Variants in ENPP2 observed in about 807,000 individuals in gnomAD.
The protein encoded by ENPP2 is autotaxin.
Under a neutral mutation model 120.2 loss-of-function variants are expected in ENPP2, and 51 were observed. The observed-to-expected ratio is 0.42, with a 90% confidence interval of 0.34 to 0.54. ENPP2 has a LOEUF of 0.54. ENPP2 is among the 20% of genes least tolerant of loss of function. ENPP2 has a pLI of 0.04. For synonymous variants in ENPP2, 365 were observed against 366.4 expected, an observed-to-expected ratio of 1.00 and a Z score of 0.04; for missense variants, 920 against 1,066.5, an observed-to-expected ratio of 0.86 and a Z score of 1.91.
intron 1 of ENPP2, among the ~76,000 whole-genome samples, chr8:119,662,132 G>A (rs1817937982): frequency 6.6e-6 from 1 of 152,028 alleles, no homozygotes; most frequent in Non-Finnish European, 1.5e-5. Context: ...GGTGACTAGG[G>A]CATAATAATG....
intron 1 of ENPP2, among the ~76,000 whole-genome samples, chr8:119,650,770 C>A (rs1358139752): frequency 6.6e-6 from 1 of 152,158 alleles, no homozygotes; most frequent in Non-Finnish European, 1.5e-5. Flanking sequence ...TTTGTCAGAG[C>A]AACTTGGCCC....
intron 1 of ENPP2, among the ~76,000 whole-genome samples, chr8:119,672,822 T>C (rs974815964): frequency 6.6e-6 from 1 of 152,242 alleles, no homozygotes; most frequent in Non-Finnish European, 1.5e-5. Flanking sequence ...CATATTGTTT[T>C]AAAAATCCCC....
intron 8 of ENPP2, 43 bp downstream of exon 8, chr8:119,616,222 T>G (rs1184572124): frequency 6.5e-7 from 1 of 1,548,850 alleles, no homozygotes; most frequent in Non-Finnish European, 8.8e-7. Context: ...TCTCAATACA[T>G]GAACACACAA....
intron 18 of ENPP2, chr8:119,580,798 A>C (rs529995553): frequency 6.6e-6 from 1 of 152,480 alleles, no homozygotes; most frequent in African/African-American, 2.4e-5. Context: ...AGCAGTAAAA[A>C]TAAGTGAGCT....
intron 1 of ENPP2, among the ~76,000 whole-genome samples, chr8:119,656,388 A>G (rs1483138479): frequency 6.6e-6 from 1 of 152,198 alleles, no homozygotes; most frequent in African/African-American, 2.4e-5. Context: ...ATCTCTCTGT[A>G]TTCGTTCCTC....
At chr8:119,623,774 TC>T (rs962207744) in intron 3 of ENPP2, among the ~76,000 whole-genome samples, 2 of 151,816 alleles carry the variant, frequency 1.3e-5, no homozygotes, top group Non-Finnish European at 2.9e-5. Context: ...TACAGGTGCC[TC>T]CCCCCATGCC....
At chr8:119,565,034 A>C in intron 22 of ENPP2, 79 bp from the exon 23 acceptor site, 5 of 1,284,962 alleles carry the variant, frequency 3.9e-6, no homozygotes, top group Admixed American at 2.0e-5. Flanking sequence ...TCTAGGATGC[A>C]TGCTACGAGC....
chr8:119,598,104 A>G (rs1385500116), intron 11 of ENPP2, among the ~76,000 whole-genome samples: 4 of 152,244 alleles, frequency 2.6e-5, no homozygotes. Context: ...GTATAAACCA[A>G]TTAGCCTACA....
chr8:119,672,003 G>T (rs1427427742), intron 1 of ENPP2, among the ~76,000 whole-genome samples: 3 of 152,212 alleles, frequency 2.0e-5, no homozygotes, highest in South Asian at 4.1e-4. Flanking sequence ...GTGTGTGTGC[G>T]TGGGAGGGGG....
chr8:119,648,825 C>A (rs1336058221), intron 1 of ENPP2, among the ~76,000 whole-genome samples: 2 of 152,154 alleles, frequency 1.3e-5, no homozygotes, highest in Admixed American at 1.3e-4. Flanking sequence ...AGGAGCAAGA[C>A]AAAAATGTCT....
chr8:119,570,875 C>A, intron 19 of ENPP2, 34 bp from the exon 20 acceptor site: 1 of 1,410,928 alleles, frequency 7.1e-7, no homozygotes, highest in Non-Finnish European at 9.4e-7. Context: ...GTGTTAGGTG[C>A]ATATTAAATT....
chr8:119,632,655 C>T (rs1040250664), intron 2 of ENPP2, among the ~76,000 whole-genome samples: 2 of 152,180 alleles, frequency 1.3e-5, no homozygotes, highest in Non-Finnish European at 2.9e-5. Context: ...CAATGTAAAA[C>T]ATACGTTATT....
At position 119,626,645 on chromosome 8, in the gene ENPP2, G is replaced by A. The variant is rs756072694; in HGVS notation, c.212C>T (p.Pro71Leu). ...GRCFELQEAG[P>L]PDCRCDNLCK... is the part of the protein sequence containing the mutation. The stretch of plus-strand genomic sequence containing the variant: ...CAAGTTGTCACAGCGACAATCAGGA[G>A]GTCCAGCCTCTTGAAGTTCAAAGCA... Residue 71 changes from proline (P) to leucine (L), a missense_variant, in exon 3 of 25, where the codon CCT becomes CTT. Transcript: ENST00000075322. 6.2e-7 allele frequency: 1 copy of A among 1,614,026 alleles called. No individual in the cohort carries two copies. Among genetic ancestry groups the A allele is most frequent in the South Asian group, 1.1e-5 (1 of 91,078 alleles).
chr8:119,629,020 C>T (rs1405089361), intron 2 of ENPP2, among the ~76,000 whole-genome samples: 1 of 152,122 alleles, frequency 6.6e-6, no homozygotes, highest in East Asian at 1.9e-4. Flanking sequence ...CTTTCCTTCT[C>T]TCTCATTATA....
At position 119,659,334 on chromosome 8, in the gene ENPP2, A is replaced by AAAAAAAAAACAAC. The variant is rs58435393; in HGVS notation, c.21+13917_21+13918insGTTGTTTTTTTTT. The stretch of plus-strand genomic sequence containing the variant: ...TCTGTCTCAATTAAAAAAAAAAAAA[A>AAAAAAAAAACAAC]AAACCAGAGTTCTTAAGAATTTTCT... On this transcript the variant is annotated intron_variant, in intron 1 of 25. Transcript: ENST00000427067. 6.9e-5 allele frequency among the ~76,000 whole-genome samples: 9 copies of AAAAAAAAAACAAC among 130,740 alleles called. No individual in the cohort carries two copies. The East Asian group carries it at 1.8e-3, about 25-fold the overall frequency. 85.8% of individuals were successfully genotyped at this position (130,740 alleles called of 152,430 possible).
intron 1 of ENPP2, among the ~76,000 whole-genome samples, chr8:119,672,390 C>G (rs927907129): frequency 6.6e-6 from 1 of 152,168 alleles, no homozygotes; most frequent in African/African-American, 2.4e-5. Flanking sequence ...TCCATTCCCT[C>G]TATCAGTGAG....
chr8:119,568,600 C>T (rs79862985), intron 21 of ENPP2, among the ~76,000 whole-genome samples: 3,865 of 151,742 alleles, frequency 0.025, 154 homozygotes, highest in African/African-American at 0.087. Context: ...GGTTTAAGGG[C>T]TTCAGATTTT....
Position 119,616,345 on chromosome 8 carries a change from T to C in ENPP2, c.697A>G (p.Met233Val), listed in dbSNP as rs778923067. The stretch of plus-strand genomic sequence containing the variant: ...GTGGCATCAAATACAGGATCATACA[T>C]TGAATTGCCAACAATTCCATGTGAT... ...PESHGIVGNS[M>V]YDPVFDATFH... The change falls in exon 8 of 25, where the codon ATG becomes GTG. Residue 233 changes from methionine (M) to valine (V), a missense_variant. By Grantham distance (21) the Met-to-Val change is conservative (BLOSUM62 1). Coordinates refer to ENST00000075322, the MANE Select transcript of ENPP2 (RefSeq NM_001040092.3). The C allele has an allele frequency of 2.5e-6, 4 of 1,608,440 alleles. No homozygotes were observed. Among genetic ancestry groups the C allele is most frequent in the South Asian group, 1.1e-5 (1 of 90,642 alleles).
At chr8:119,640,802 G>A (rs1817261097), upstream of ENPP2, among the ~76,000 whole-genome samples, 1 of 152,082 alleles carries the variant, frequency 6.6e-6, no homozygotes, top group Non-Finnish European at 1.5e-5. Context: ...AGGCTGGAGT[G>A]CAATGGCTCG....
Sources: allele counts gnomAD v4.1 joint callset (sites outside exome capture counted in the v4.1 genomes callset), GRCh38; gene constraint gnomAD v4.1.1; transcripts MANE v1.5; gene names NCBI Gene and HGNC (gene_info 2026-07-23, HGNC 2026-07-21).